The following AKAP1 variants were observed in gnomAD, a reference collection of about 807,000 sequenced individuals.
AKAP1 encodes A-kinase anchoring protein 1, also known as A-kinase anchor protein 1, mitochondrial.
AKAP1 carries 32 observed loss-of-function variants against 79.8 expected under a neutral mutation model. The observed-to-expected ratio is 0.40, with a 90% CI of 0.30 to 0.54. The LOEUF (loss-of-function observed/expected upper bound fraction) is 0.54, where lower values mean the gene tolerates loss of function less well. AKAP1 is among the 20% of genes least tolerant of loss of function. The pLI is 0.47. For missense variants in AKAP1, 961 were observed against 1,138.9 expected, an observed-to-expected ratio of 0.84 and a Z score of 2.25; for synonymous variants, 416 against 466.7, an observed-to-expected ratio of 0.89 and a Z score of 1.40.
At chr17:57,112,433 T>C in intron 4 of AKAP1, 58 bp from the exon 5 acceptor site, 3 of 1,581,242 alleles carry the variant, frequency 1.9e-6, no homozygotes, top group Non-Finnish European at 2.6e-6. Context: ...TTTTTGTGAG[T>C]GTGGGTGTGA....
At chr17:57,112,010 T>C (rs1391116665) in intron 4 of AKAP1, 86 bp downstream of exon 4, 2 of 1,524,612 alleles carry the variant, frequency 1.3e-6, no homozygotes, top group Non-Finnish European at 1.8e-6. Flanking sequence ...TGCTATCTTT[T>C]TGGAATAGGA....
At chr17:57,107,301 T>C (rs1172106885) in intron 2 of AKAP1, 123 bp downstream of exon 2, 3 of 1,363,606 alleles carry the variant, frequency 2.2e-6, no homozygotes, top group Non-Finnish European at 3.0e-6. Flanking sequence ...TTCAGCTCTT[T>C]ATCGCAACCT....
At chr17:57,113,771 T>C (rs1442281862) in intron 5 of AKAP1, among the ~76,000 whole-genome samples, 1 of 151,758 alleles carries the variant, frequency 6.6e-6, no homozygotes, top group Non-Finnish European at 1.5e-5. Context: ...CCCAGCTAAT[T>C]TGTATGTTTT....
At chr17:57,102,416 G>A (rs1914572831) in intron 1 of AKAP1, among the ~76,000 whole-genome samples, 1 of 151,684 alleles carries the variant, frequency 6.6e-6, no homozygotes, top group South Asian at 2.1e-4. Flanking sequence ...AGAATAATGG[G>A]TTCCAGATTT....
In AKAP1 at chr17:57,086,532, C is replaced by A; in HGVS notation, c.-25+1134C>A. 1 of 440,702 alleles carries A rather than the reference C, an allele frequency of 2.3e-6. No individual in the cohort carries two copies. The highest frequency in any genetic ancestry group is 4.5e-6 in the Non-Finnish European group (1 of 220,438). 27.3% of individuals were successfully genotyped at this position (440,702 alleles called of 1,614,324 possible). A position where few individuals can be genotyped will look rare whatever the true frequency, so the allele number is the denominator to read the frequency against. On this transcript the variant is annotated intron_variant, in intron 1 of 10. Transcript: ENST00000337714. This position sits in a 1 kb window ranked among gnomAD's most constrained non-coding sequence, Gnocchi z 5.1. The stretch of plus-strand genomic sequence containing the variant: ...GTTAACACAAACCCGGTGGACTTCG[C>A]TCCAGGTGCGAGTCGAGGCCTCTCA...
chr17:57,088,380 G>A (rs1913586744), intron 1 of AKAP1, among the ~76,000 whole-genome samples: 1 of 152,186 alleles, frequency 6.6e-6, no homozygotes, highest in Admixed American at 6.5e-5. Flanking sequence ...TAGTGGGGGA[G>A]CTGGGAGCTA....
At chr17:57,091,041 T>A (rs1249156575) in intron 1 of AKAP1, among the ~76,000 whole-genome samples, 1 of 152,206 alleles carries the variant, frequency 6.6e-6, no homozygotes, top group Non-Finnish European at 1.5e-5. Context: ...TGGGCCTGGA[T>A]GTGCCTTTGT....
intron 5 of AKAP1, 143 bp downstream of exon 5, chr17:57,112,761 G>T (rs1420389569): frequency 1.6e-6 from 2 of 1,237,540 alleles, no homozygotes; most frequent in South Asian, 1.6e-5. Context: ...CTGCTGGTCG[G>T]TTCTGCTATG....
intron 2 of AKAP1, 126 bp downstream of exon 2, chr17:57,107,304 C>T (rs536095641): frequency 2.5e-5 from 34 of 1,354,886 alleles, no homozygotes; most frequent in African/African-American, 1.5e-4. Flanking sequence ...AGCTCTTTAT[C>T]GCAACCTGCA....
chr17:57,095,047 G>A (rs1466995409), intron 1 of AKAP1: 1 of 152,232 alleles, frequency 6.6e-6, no homozygotes, highest in Non-Finnish European at 1.5e-5. Flanking sequence ...TGAGGACACT[G>A]GCACCCCATT....
chr17:57,100,686 C>T (rs1026669471), intron 1 of AKAP1, among the ~76,000 whole-genome samples: 3 of 152,226 alleles, frequency 2.0e-5, no homozygotes, highest in African/African-American at 7.2e-5. Context: ...CTCCACTCCT[C>T]TTCCTGCTGG....
intron 3 of AKAP1, among the ~76,000 whole-genome samples, chr17:57,111,566 C>T (rs1477095290): frequency 6.6e-6 from 1 of 152,190 alleles, no homozygotes; most frequent in African/African-American, 2.4e-5. Flanking sequence ...AAGGTAGTTA[C>T]TTAGCCTCTC....
At chr17:57,093,788 A>G (rs1369418521) in intron 1 of AKAP1, 4 of 137,524 alleles carry the variant, frequency 2.9e-5, no homozygotes, top group East Asian at 2.1e-4. Flanking sequence ...ATTACTTTCA[A>G]TTCTTCCAGC....
At chr17:57,093,338 CT>C (rs1913894243) in intron 1 of AKAP1, 1 of 152,222 alleles carries the variant, frequency 6.6e-6, no homozygotes. Context: ...ATCTCTTTGC[CT>C]TATGTGCCCA....
At position 57,106,491 on chromosome 17, in the gene AKAP1, G is replaced by A. The variant is rs1288524544; in HGVS notation, c.1027G>A (p.Glu343Lys). The change falls in exon 2 of 11, where the codon GAG (glutamate) becomes AAG (lysine). Residue 343 changes from glutamate to lysine, a missense_variant. By Grantham distance (56) the Glu-to-Lys change is moderately conservative. This residue lies in a region of AKAP1 where 629 missense variants were observed against 781.1 expected (regional missense o/e 0.81). Transcript: ENST00000337714. Reference protein sequence around the residue: ...RNEEGLDRNEEIKRAAFQIIS... With the variant: ...RNEEGLDRNEKIKRAAFQIIS... ...TGAGGAGGGCTTGGATAGAAATGAG[G>A]AGATTAAGCGGGCTGCCTTCCAGAT... 1.8e-5 allele frequency: 29 copies of A among 1,613,890 alleles called. No individual in the cohort carries two copies. The highest frequency in any genetic ancestry group is 2.5e-5 in the Non-Finnish European group (29 of 1,179,992).
At chr17:57,087,986 T>C (rs753343418) in intron 1 of AKAP1, among the ~76,000 whole-genome samples, 26 of 152,216 alleles carry the variant, frequency 1.7e-4, no homozygotes, top group Non-Finnish European at 5.9e-5. Flanking sequence ...GGAAGTCAGT[T>C]GTTTCAGGTA....
chr17:57,114,311 C>T, intron 5 of AKAP1, 148 bp from the exon 6 acceptor site: 1 of 937,272 alleles, frequency 1.1e-6, no homozygotes, highest in Non-Finnish European at 1.6e-6. Context: ...AGTAGTCCTT[C>T]AACCTCTACC....
rs1182568405 is a variant in AKAP1, at chr17:57,116,146, G to A, written c.2317G>A (p.Ala773Thr). The change falls in exon 7 of 11, where the codon GCC becomes ACC. Residue 773 changes from alanine to threonine, a missense_variant. Ala to Thr is a moderately conservative substitution (Grantham distance 58, BLOSUM62 0). Coordinates refer to ENST00000337714, the MANE Select transcript of AKAP1 (RefSeq NM_003488.4). ...VICAAPGADGAWWRAQVVASY... is the reference protein window; with the variant it reads ...VICAAPGADGTWWRAQVVASY... ...CTGTGCCGCCCCTGGTGCGGACGGG[G>A]CCTGGTGGCGAGCCCAAGTGGTTGC... The A allele has an allele frequency of 2.5e-6, 4 of 1,613,824 alleles. No homozygotes were observed. The highest frequency in any genetic ancestry group is 1.6e-4 in the Middle Eastern group (1 of 6,084).
chr17:57,119,255 A>G (rs1478010068), intron 10 of AKAP1, among the ~76,000 whole-genome samples: 1 of 152,184 alleles, frequency 6.6e-6, no homozygotes, highest in African/African-American at 2.4e-5. Context: ...TAAACATCCC[A>G]TAGTATTCAG....
Sources: allele counts gnomAD v4.1 joint callset (sites outside exome capture counted in the v4.1 genomes callset), GRCh38; gene constraint gnomAD v4.1.1; regional missense constraint gnomAD v4.1.1; non-coding constraint Gnocchi (gnomAD v3.1); transcripts MANE v1.5; gene names NCBI Gene and HGNC (gene_info 2026-07-23, HGNC 2026-07-21).